MACROD1: variants seen among roughly 807,000 people sequenced by gnomAD.
MACROD1 encodes mono-ADP ribosylhydrolase 1.
MACROD1 carries 31 observed loss-of-function variants against 41.4 expected under a neutral mutation model. The observed-to-expected ratio is 0.75, with a 90% confidence interval of 0.56 to 1.01. The LOEUF (loss-of-function observed/expected upper bound fraction) is 1.01. MACROD1 is among the 50% of genes least tolerant of loss of function. MACROD1 has a pLI of 0.00. For synonymous variants in MACROD1, 252 were observed against 203.4 expected, an observed-to-expected ratio of 1.24 and a Z score of -2.03; for missense variants, 473 against 460.0, an observed-to-expected ratio of 1.03 and a Z score of -0.26.
At chr11:64,118,002 C>T (rs978450483) in intron 3 of MACROD1, 6 of 1,613,628 alleles carry the variant, frequency 3.7e-6, no homozygotes, top group Non-Finnish European at 5.1e-6. Flanking sequence ...GTACGTGCAC[C>T]AGGCTGGCGA....
chr11:64,162,386 C>G (rs1945768488), intron 1 of MACROD1, among the ~76,000 whole-genome samples: 1 of 152,078 alleles, frequency 6.6e-6, no homozygotes, highest in Non-Finnish European at 1.5e-5. Context: ...GCCTGTACTT[C>G]CAACTACTCA....
chr11:64,023,511 G>A (rs1354134106), intron 3 of MACROD1, among the ~76,000 whole-genome samples: 1 of 152,142 alleles, frequency 6.6e-6, no homozygotes, highest in Non-Finnish European at 1.5e-5. Context: ...CGGTTCCTGG[G>A]GGCAGAAGGT....
chr11:64,076,000 A>C (rs1392563605), intron 3 of MACROD1, among the ~76,000 whole-genome samples: 1 of 152,136 alleles, frequency 6.6e-6, no homozygotes, highest in East Asian at 1.9e-4. Context: ...GCATGCTGCT[A>C]CCTCAGGCTG....
intron 3 of MACROD1, among the ~76,000 whole-genome samples, chr11:64,043,989 A>AT (rs1414966081): frequency 2.0e-5 from 3 of 151,814 alleles, no homozygotes; most frequent in Non-Finnish European, 4.4e-5. Context: ...AATTTTTCAT[A>AT]TTTTTAGTAG....
intron 3 of MACROD1, among the ~76,000 whole-genome samples, chr11:64,028,550 C>T (rs1213279048): frequency 1.3e-5 from 2 of 152,244 alleles, no homozygotes; most frequent in Non-Finnish European, 2.9e-5. Flanking sequence ...CCGGCCTCAG[C>T]CCCTCTGCTC....
chr11:64,073,864 G>A (rs772129273), intron 3 of MACROD1, among the ~76,000 whole-genome samples: 4 of 152,212 alleles, frequency 2.6e-5, no homozygotes, highest in Non-Finnish European at 5.9e-5. Context: ...CAGAGATGCA[G>A]TTGGGGACCC....
chr11:64,072,982 G>A (rs1944136264), intron 3 of MACROD1, among the ~76,000 whole-genome samples: 1 of 152,198 alleles, frequency 6.6e-6, no homozygotes, highest in African/African-American at 2.4e-5. Flanking sequence ...TCTTCTGAAG[G>A]GTCCTGCAGC....
chr11:64,022,867 ATTTTTTTTTTT>A (rs922794608), intron 3 of MACROD1, among the ~76,000 whole-genome samples: 20 of 90,768 alleles, frequency 2.2e-4, no homozygotes, highest in Non-Finnish European at 4.1e-4. Flanking sequence ...TTCCACATGG[ATTTTTTTTTTT>A]TTTTTTTTTT....
intron 3 of MACROD1, among the ~76,000 whole-genome samples, chr11:64,113,977 T>A (rs1204548203): frequency 6.8e-6 from 1 of 147,276 alleles, no homozygotes; most frequent in Non-Finnish European, 1.5e-5. Flanking sequence ...ATTGGATGGA[T>A]GGATAATTGG....
rs140541432 is a variant in MACROD1 at position 64,152,364 on chromosome 11, G to T, written c.328C>A (p.Arg110=). ...TCCTTGCAGAAGTAATGTTCCTCCC[G>T]CTGCTTGTCACTCAGGCCCTTCAGA... ...SFLKGLSDKQ[R]EEHYFCKDFV... is the part of the protein sequence containing the mutation. The change falls in exon 2 of 11, where the codon CGG becomes AGG. Residue 110 remains arginine, a synonymous_variant. Transcript: ENST00000255681. 6.2e-7 allele frequency: 1 copy of T among 1,614,196 alleles called. No individual in the cohort carries two copies. The highest frequency in any genetic ancestry group is 1.3e-5 in the African/African-American group (1 of 75,044).
Position 63,998,657 on chromosome 11 carries a change from C to T in MACROD1, c.*61G>A, listed in dbSNP as rs963332466. ...CAGGCTGCAGGCTTTGGCGACCTCT[C>T]AGAGCTGGGAGCGGGGTCCCGAAGG... On this transcript the variant is annotated 3_prime_UTR_variant, in exon 11 of 11. Transcript: ENST00000255681. 1.0e-4 allele frequency: 136 copies of T among 1,327,116 alleles called. No individual in the cohort carries two copies. Among genetic ancestry groups the T allele is most frequent in the South Asian group, 3.6e-4 (16 of 44,726 alleles). The allele number at this position is 1,327,116 out of a possible 1,614,324, so 82.2% of individuals were successfully genotyped here.
intron 3 of MACROD1, chr11:64,148,757 G>C: frequency 2.0e-6 from 2 of 985,738 alleles, no homozygotes; most frequent in Non-Finnish European, 2.4e-6. Flanking sequence ...CGTTGCCAAC[G>C]ACTTTTATTC....
chr11:64,001,624 G>C (rs1942826997), intron 4 of MACROD1: 1 of 701,152 alleles, frequency 1.4e-6, no homozygotes, highest in African/African-American at 1.7e-5. Context: ...CAATTTCCCA[G>C]AGCGTCCCAG....
intron 3 of MACROD1, among the ~76,000 whole-genome samples, chr11:64,050,862 G>A (rs936623037): frequency 6.6e-6 from 1 of 152,158 alleles, no homozygotes; most frequent in African/African-American, 2.4e-5. Flanking sequence ...CAGGTGATCC[G>A]CCTGCCTTGG....
At chr11:64,135,984 C>G (rs574536741) in intron 3 of MACROD1, among the ~76,000 whole-genome samples, 2 of 152,234 alleles carry the variant, frequency 1.3e-5, no homozygotes, top group Non-Finnish European at 2.9e-5. Flanking sequence ...GGGGATGGCC[C>G]ATGCTGTGGG....
At chr11:64,073,660 G>A (rs1438730773) in intron 3 of MACROD1, among the ~76,000 whole-genome samples, 1 of 152,250 alleles carries the variant, frequency 6.6e-6, no homozygotes, top group Admixed American at 6.5e-5. Context: ...CCGGGAGCCT[G>A]TGAGGTCTGG....
intron 3 of MACROD1, chr11:64,118,273 T>A: frequency 6.3e-7 from 1 of 1,587,122 alleles, no homozygotes; most frequent in African/African-American, 1.3e-5. Flanking sequence ...ATCCCCGACA[T>A]AGACTACTCC....
intron 3 of MACROD1, among the ~76,000 whole-genome samples, chr11:64,101,733 T>C (rs187914851): frequency 8.5e-4 from 130 of 152,288 alleles, no homozygotes; most frequent in African/African-American, 3.0e-3. Context: ...TCATCTTCCC[T>C]CCTGCGTAAG....
At chr11:64,132,089 T>TA (rs920495170) in intron 3 of MACROD1, among the ~76,000 whole-genome samples, 1 of 152,136 alleles carries the variant, frequency 6.6e-6, no homozygotes, top group African/African-American at 2.4e-5. Context: ...AAATGGCTGA[T>TA]ACTCCGTCTG....
Sources: gnomAD v4.1 joint callset for allele counts (sites outside exome capture counted in the v4.1 genomes callset) on GRCh38, gnomAD v4.1.1 for gene constraint, MANE v1.5 for transcripts, NCBI Gene and HGNC (gene_info 2026-07-23, HGNC 2026-07-21) for gene names.